The following FRY variants were observed in gnomAD, a reference collection of about 807,000 sequenced individuals.
FRY encodes the protein FRY microtubule binding protein, also known as protein furry homolog.
Under a neutral mutation model 348.4 loss-of-function variants are expected in FRY, and 128 were observed. The ratio of observed to expected loss-of-function variants is 0.37; its 90% CI spans 0.32 to 0.43. FRY has a LOEUF of 0.43. FRY is among the 20% of genes least tolerant of loss of function. FRY has a pLI of 1.00. For missense variants in FRY, 2,736 were observed against 3,695.2 expected, an observed-to-expected ratio of 0.74 and a Z score of 6.73; for synonymous variants, 1,370 against 1,374.7, an observed-to-expected ratio of 1.00 and a Z score of 0.08.
At chr13:32,097,362 C>CTTTTTTTTT (rs34054013) in intron 2 of FRY, among the ~76,000 whole-genome samples, 2 of 126,494 alleles carry the variant, frequency 1.6e-5, no homozygotes, top group Non-Finnish European at 3.2e-5. Context: ...CCTTTTTTTC[C>CTTTTTTTTT]TTTTTTTTTT....
Position 32,232,142 on chromosome 13 carries a change from G to T in FRY, c.5527+842G>T, listed in dbSNP as rs184405735. 1.5e-4 allele frequency among the ~76,000 whole-genome samples: 23 copies of T among 152,234 alleles called. No homozygotes were observed. The East Asian group carries it at 3.3e-3, about 22-fold the overall frequency. On this transcript the variant is annotated intron_variant, in intron 41 of 60. Transcript: ENST00000542859. ...CCTTTGGAATTTGTTTAAAATATGA[G>T]GACCTCAAAAGCCAATTAATAATTG...
At chr13:32,274,703 CAAAAAAAAAAA>C (rs397723164) in intron 55 of FRY, 128 bp from the exon 56 acceptor site, 24 of 306,740 alleles carry the variant, frequency 7.8e-5, no homozygotes, top group East Asian at 2.0e-4. Flanking sequence ...GATTCTGTCT[CAAAAAAAAAAA>C]AAAAAAAAAA....
chr13:32,269,693 AT>A (rs139997341), intron 55 of FRY, among the ~76,000 whole-genome samples: 62,593 of 98,606 alleles, frequency 0.63, 14,230 homozygotes, highest in Non-Finnish European at 0.67. Flanking sequence ...CTCCATCTCC[AT>A]TTTAAAAAAA....
rs1166129521 is a variant in FRY at position 32,297,818 on chromosome 13, A to C, written c.*2358A>C. ...CTTCCCCAGGGATACAAAGAAGTAG[A>C]AGTACCAAAGGAAAGGGTAGATATT... On this transcript the variant is annotated 3_prime_UTR_variant, in exon 61 of 61. Coordinates refer to ENST00000542859, the MANE Select transcript of FRY (RefSeq NM_023037.3). 2 of 152,184 alleles carry C rather than the reference A, an allele frequency of 1.3e-5. No homozygotes were observed. The highest frequency in any genetic ancestry group is 2.9e-5 in the Non-Finnish European group (2 of 68,038). 9.4% of individuals were successfully genotyped at this position (152,184 alleles called of 1,614,324 possible). A position where few individuals can be genotyped will look rare whatever the true frequency, so the allele number is the denominator to read the frequency against.
intron 10 of FRY, among the ~76,000 whole-genome samples, chr13:32,136,039 T>TAAAAAAA (rs138896602): frequency 2.0e-5 from 3 of 151,156 alleles, no homozygotes; most frequent in African/African-American, 7.3e-5. Flanking sequence ...TAAGTTAATT[T>TAAAAAAA]AAAAAAAAAC....
chr13:32,239,450 A>C lies in FRY; in HGVS notation c.6516+101A>C, dbSNP rs1449971144. The C allele has an allele frequency of 9.9e-6, 8 of 809,346 alleles. No homozygotes were observed. Among genetic ancestry groups the C allele is most frequent in the Non-Finnish European group, 1.8e-5 (8 of 452,176 alleles). 50.1% of individuals were successfully genotyped at this position (809,346 alleles called of 1,614,324 possible). On this transcript the variant is annotated intron_variant, in intron 45 of 60. Coordinates refer to ENST00000542859, the MANE Select transcript of FRY (RefSeq NM_023037.3). This position sits in a 1 kb window ranked among gnomAD's most constrained non-coding sequence, Gnocchi z 4.3. ...GCCCAGAGATGGCAGTGATTTTCTC[A>C]AAAACTGGAAATAATAACTAATATC...
intron 1 of FRY, among the ~76,000 whole-genome samples, chr13:32,068,495 A>C (rs1459140358): frequency 6.6e-6 from 1 of 152,202 alleles, no homozygotes; most frequent in East Asian, 1.9e-4. Flanking sequence ...GACAGTACCT[A>C]CTTTGAAAAT....
At chr13:32,228,872 A>G (rs771260859) in intron 40 of FRY, among the ~76,000 whole-genome samples, 5 of 152,198 alleles carry the variant, frequency 3.3e-5, no homozygotes, top group Non-Finnish European at 7.4e-5. Context: ...CTAGGATCCC[A>G]CTGATGTGAC....
chr13:32,233,499 T>C (rs1035499138), intron 41 of FRY, among the ~76,000 whole-genome samples: 2 of 152,248 alleles, frequency 1.3e-5, no homozygotes, highest in African/African-American at 2.4e-5. Flanking sequence ...CTTTGTACAA[T>C]TGGAAAAACA....
intron 42 of FRY, among the ~76,000 whole-genome samples, chr13:32,235,226 C>T (rs1886157261): frequency 6.6e-6 from 1 of 152,170 alleles, no homozygotes; most frequent in South Asian, 2.1e-4. Context: ...GAGTGACTGC[C>T]ACAAGGAGGC....
chr13:32,206,028 G>T, intron 31 of FRY, among the ~76,000 whole-genome samples: 1 of 151,954 alleles, frequency 6.6e-6, no homozygotes, highest in Non-Finnish European at 1.5e-5. Flanking sequence ...AGAGGGGAAG[G>T]TTTGGTGCAA....
At position 32,193,591 on chromosome 13, in the gene FRY, C is replaced by CTTTTTTTT. The variant is rs71194514; in HGVS notation, c.3592-547_3592-540dup. ...AAAAATTGCCAATAAAGTCTTCGTC[C>CTTTTTTTT]TTTTTTTTTTTTGAGACCTAGTCTC... On this transcript the variant is annotated intron_variant, in intron 28 of 60. Transcript: ENST00000542859. Among the ~76,000 whole-genome samples, 114 of 130,286 alleles carry CTTTTTTTT rather than the reference C, an allele frequency of 8.7e-4. 5 individuals carry two copies. The highest frequency in any genetic ancestry group is 1.0e-3 in the African/African-American group (35 of 34,750). The allele number at this position is 130,286 out of a possible 152,430, so 85.5% of individuals were successfully genotyped here.
At chr13:32,106,631 C>T (rs946595225) in intron 3 of FRY, among the ~76,000 whole-genome samples, 4 of 152,178 alleles carry the variant, frequency 2.6e-5, no homozygotes, top group Non-Finnish European at 5.9e-5. Context: ...ACAAAACTTT[C>T]CAACATAGCA....
chr13:32,056,509 C>A (rs745726052), intron 1 of FRY, among the ~76,000 whole-genome samples: 1 of 152,200 alleles, frequency 6.6e-6, no homozygotes, highest in African/African-American at 2.4e-5. Context: ...CTTCCCAACA[C>A]AATGACACAT....
chr13:32,050,646 A>T (rs1240339847), intron 1 of FRY, among the ~76,000 whole-genome samples: 1 of 152,144 alleles, frequency 6.6e-6, no homozygotes, highest in African/African-American at 2.4e-5. Flanking sequence ...GTTGAATCAG[A>T]TTCTCCCAGT....
chr13:32,052,326 C>G (rs945535134), intron 1 of FRY, among the ~76,000 whole-genome samples: 3 of 152,220 alleles, frequency 2.0e-5, no homozygotes, highest in Admixed American at 2.0e-4. Flanking sequence ...AGACACAACA[C>G]TAGCTTTTTC....
chr13:32,145,059 A>G (rs1215274473), intron 11 of FRY, among the ~76,000 whole-genome samples: 1 of 152,202 alleles, frequency 6.6e-6, no homozygotes, highest in East Asian at 1.9e-4. Flanking sequence ...ATGGGGGTGG[A>G]AGGACACTTC....
chr13:32,258,018 G>T (rs774487585), intron 51 of FRY: 1 of 1,466,702 alleles, frequency 6.8e-7, no homozygotes, highest in South Asian at 1.1e-5. Context: ...TAGATGTTTT[G>T]CATCTTTGCA....
At chr13:32,054,396 C>A (rs1873508197) in intron 1 of FRY, among the ~76,000 whole-genome samples, 1 of 149,684 alleles carries the variant, frequency 6.7e-6, no homozygotes, top group Non-Finnish European at 1.5e-5. Context: ...TTTCTGCATT[C>A]AATTTGCTAG....
Sources: gnomAD v4.1 joint callset for allele counts (sites outside exome capture counted in the v4.1 genomes callset) on GRCh38, gnomAD v4.1.1 for gene constraint, Gnocchi (gnomAD v3.1) non-coding constraint, MANE v1.5 for transcripts, NCBI Gene and HGNC (gene_info 2026-07-23, HGNC 2026-07-21) for gene names.